NDUFAF2: variants seen among roughly 807,000 people sequenced by gnomAD.
NDUFAF2 encodes NADH:ubiquinone oxidoreductase complex assembly factor 2, also known as NADH dehydrogenase [ubiquinone] 1 alpha subcomplex assembly factor 2.
A neutral mutation model predicts 22.8 loss-of-function variants in NDUFAF2; 13 were observed. That is an observed-to-expected ratio of 0.57 (90% CI 0.37 to 0.91). The LOEUF (loss-of-function observed/expected upper bound fraction) is 0.91, where lower values mean the gene tolerates loss of function less well. Among genes scored for constraint, NDUFAF2 ranks in the 40% least tolerant of loss-of-function variants. The pLI, the probability that NDUFAF2 is intolerant of heterozygous loss-of-function variation, is 0.01. For synonymous variants in NDUFAF2, 53 were observed against 64.2 expected (o/e 0.83, Z 0.84); for missense variants, 162 against 195.2 (o/e 0.83, Z 1.01).
At chr5:60,946,301 C>T (rs1750453404) in intron 1 of NDUFAF2, among the ~76,000 whole-genome samples, 1 of 152,186 alleles carries the variant, frequency 6.6e-6, no homozygotes, top group African/African-American at 2.4e-5. Context: ...TCAACATCCT[C>T]ACTTGAAAGT....
At chr5:61,112,201 C>T (rs1008441230) in intron 3 of NDUFAF2, among the ~76,000 whole-genome samples, 1 of 147,382 alleles carries the variant, frequency 6.8e-6, no homozygotes, top group Admixed American at 7.1e-5. Context: ...TATATAATGA[C>T]CTTCTTTATC....
intron 3 of NDUFAF2, among the ~76,000 whole-genome samples, chr5:61,101,080 T>C (rs1752699750): frequency 6.6e-6 from 1 of 152,136 alleles, no homozygotes; most frequent in Non-Finnish European, 1.5e-5. Context: ...CACTGTAACT[T>C]TTACACTCTT....
chr5:61,049,686 G>A (rs975428884), intron 1 of NDUFAF2, among the ~76,000 whole-genome samples: 2 of 151,858 alleles, frequency 1.3e-5, no homozygotes, highest in Non-Finnish European at 2.9e-5. Context: ...CATAGTATTT[G>A]TCTTTTTTGT....
chr5:61,018,161 A>G (rs999083304), intron 1 of NDUFAF2, among the ~76,000 whole-genome samples: 15 of 152,170 alleles, frequency 9.9e-5, no homozygotes, highest in African/African-American at 3.6e-4. Flanking sequence ...GAGGTTATTT[A>G]TGCCTATCAT....
chr5:61,105,109 C>A (rs1368376783), intron 3 of NDUFAF2, among the ~76,000 whole-genome samples: 1 of 151,630 alleles, frequency 6.6e-6, no homozygotes, highest in Non-Finnish European at 1.5e-5. Flanking sequence ...ATTTCCTATG[C>A]CATGACAGTA....
chr5:61,091,612 T>C lies in NDUFAF2; in HGVS notation c.218-7380T>C, dbSNP rs148605948. 1.6e-3 allele frequency among the ~76,000 whole-genome samples: 249 copies of C among 152,320 alleles called. 2 individuals carry two copies. Among genetic ancestry groups the C allele is most frequent in the African/African-American group, 5.8e-3 (243 of 41,580 alleles). ...ATAGTTGGTAAAAATTGTCTTCCAGTCTGTAGGTTGTCTGTTGACTTTGTT... is the reference window on the plus strand; with the variant it reads ...ATAGTTGGTAAAAATTGTCTTCCAGCCTGTAGGTTGTCTGTTGACTTTGTT... On this transcript the variant is annotated intron_variant, in intron 2 of 3. Transcript: ENST00000296597.
intron 1 of NDUFAF2, among the ~76,000 whole-genome samples, chr5:61,028,223 A>C (rs1378318724): frequency 6.6e-6 from 1 of 152,010 alleles, no homozygotes; most frequent in African/African-American, 2.4e-5. Flanking sequence ...AGAGTTCTAC[A>C]TATTTTCCTT....
chr5:61,032,299 C>T (rs1751737233), intron 1 of NDUFAF2, among the ~76,000 whole-genome samples: 1 of 152,070 alleles, frequency 6.6e-6, no homozygotes, highest in Non-Finnish European at 1.5e-5. Context: ...AAAGTCGTTG[C>T]CCATGCCTAT....
chr5:60,981,220 C>T (rs1179167923), intron 1 of NDUFAF2, among the ~76,000 whole-genome samples: 1 of 152,088 alleles, frequency 6.6e-6, no homozygotes, highest in Non-Finnish European at 1.5e-5. Context: ...TACAATGGAG[C>T]TCAATACATC....
At chr5:60,959,773 A>G (rs1750661007) in intron 1 of NDUFAF2, among the ~76,000 whole-genome samples, 1 of 152,056 alleles carries the variant, frequency 6.6e-6, no homozygotes, top group Non-Finnish European at 1.5e-5. Flanking sequence ...TGAAGGTTGG[A>G]TTTTTAATTT....
rs538938378 is a variant in NDUFAF2 at position 60,956,372 on chromosome 5, A to G, written c.127+10990A>G. On this transcript the variant is annotated intron_variant, in intron 1 of 3. Coordinates refer to ENST00000296597, the MANE Select transcript of NDUFAF2 (RefSeq NM_174889.5). ...TTTTTCTTGCCTAGTTGCTCTTGCTAGAACTTCTGTTTTTGAATAGGAGTG... is the reference window on the plus strand; with the variant it reads ...TTTTTCTTGCCTAGTTGCTCTTGCTGGAACTTCTGTTTTTGAATAGGAGTG... Among the ~76,000 whole-genome samples the G allele has an allele frequency of 1.8e-3, 281 of 152,246 alleles. 2 individuals carry two copies. Among genetic ancestry groups the G allele is most frequent in the African/African-American group, 6.5e-3 (269 of 41,542 alleles).
intron 2 of NDUFAF2, among the ~76,000 whole-genome samples, chr5:61,077,735 CAG>C (rs761856492): frequency 2.3e-4 from 35 of 152,114 alleles, no homozygotes; most frequent in African/African-American, 3.9e-4. Context: ...ACCTAGTAAA[CAG>C]GGGGAAGAGT....
At chr5:60,966,490 G>A (rs577159697) in intron 1 of NDUFAF2, among the ~76,000 whole-genome samples, 1 of 152,222 alleles carries the variant, frequency 6.6e-6, no homozygotes, top group East Asian at 1.9e-4. Context: ...TACAGTACAA[G>A]TCCTGTGTTT....
intron 1 of NDUFAF2, among the ~76,000 whole-genome samples, chr5:61,006,536 G>A (rs1046390030): frequency 3.9e-5 from 6 of 152,002 alleles, no homozygotes; most frequent in African/African-American, 9.7e-5. Context: ...CTTGGGCAGT[G>A]TGGCCATTTT....
chr5:61,129,729 C>T (rs1382399479), intron 3 of NDUFAF2, among the ~76,000 whole-genome samples: 1 of 151,938 alleles, frequency 6.6e-6, no homozygotes, highest in African/African-American at 2.4e-5. Flanking sequence ...CAGCATGGCA[C>T]ATGTATACAT....
At chr5:60,946,152 C>T (rs1319628105) in intron 1 of NDUFAF2, among the ~76,000 whole-genome samples, 1 of 152,102 alleles carries the variant, frequency 6.6e-6, no homozygotes, top group Non-Finnish European at 1.5e-5. Flanking sequence ...GTGTAGCCGC[C>T]GTCGTAACCT....
chr5:61,139,437 C>CGTCT (rs1561137808), intron 3 of NDUFAF2, among the ~76,000 whole-genome samples: 1 of 152,094 alleles, frequency 6.6e-6, no homozygotes. Context: ...AGTCAGGGAC[C>CGTCT]GTCTGTATAG....
chr5:60,978,494 A>G (rs553354528), intron 1 of NDUFAF2, among the ~76,000 whole-genome samples: 11 of 152,288 alleles, frequency 7.2e-5, no homozygotes, highest in Non-Finnish European at 1.2e-4. Context: ...AACATCTTAC[A>G]TGTCCAGAGC....
At chr5:61,120,583 A>G (rs762284133) in intron 3 of NDUFAF2, among the ~76,000 whole-genome samples, 7 of 152,158 alleles carry the variant, frequency 4.6e-5, no homozygotes, top group Non-Finnish European at 1.0e-4. Context: ...GGGGCAAAAT[A>G]TAAAAGGTTT....
Sources: gnomAD v4.1 joint callset for allele counts (sites outside exome capture counted in the v4.1 genomes callset) on GRCh38, gnomAD v4.1.1 for gene constraint, MANE v1.5 for transcripts, NCBI Gene and HGNC (gene_info 2026-07-23, HGNC 2026-07-21) for gene names.